The following NALCN variants were observed in gnomAD, a reference collection of about 807,000 sequenced individuals.
NALCN encodes the protein sodium leak channel, non-selective, also known as sodium leak channel NALCN.
In NALCN, 111 loss-of-function variants were observed where a neutral mutation model predicts 225.3. That is an observed-to-expected ratio of 0.49 (90% CI 0.42 to 0.58). The LOEUF is 0.58. Among genes scored for constraint, NALCN ranks in the 20% least tolerant of loss-of-function variants. NALCN has a pLI of 0.00. For synonymous variants in NALCN, 764 were observed against 769.0 expected (o/e 0.99, Z 0.11); for missense variants, 1,378 against 2,202.4 (o/e 0.63, Z 7.49).
At chr13:101,055,530 C>A in intron 43 of NALCN, 42 bp from the exon 44 acceptor site, 1 of 1,565,046 alleles carries the variant, frequency 6.4e-7, no homozygotes. Flanking sequence ...GGTATTGCTT[C>A]ACCCTATTGT....
At chr13:101,279,578 AG>A (rs2043078717) in intron 10 of NALCN, among the ~76,000 whole-genome samples, 4 of 152,002 alleles carry the variant, frequency 2.6e-5, no homozygotes, top group Admixed American at 2.6e-4. Context: ...GCACTTTGGG[AG>A]GCCGAGGCGG....
intron 37 of NALCN, among the ~76,000 whole-genome samples, chr13:101,069,488 G>T (rs1025630593): frequency 1.3e-5 from 2 of 152,212 alleles, no homozygotes; most frequent in Admixed American, 6.5e-5. Flanking sequence ...GTGGTGGAGG[G>T]TCTTGCCTCA....
chr13:101,212,767 C>G (rs2040573957), intron 13 of NALCN, among the ~76,000 whole-genome samples: 1 of 152,058 alleles, frequency 6.6e-6, no homozygotes, highest in Admixed American at 6.6e-5. Flanking sequence ...AAGGCAAACA[C>G]TGGGATGGCC....
chr13:101,081,119 A>G (rs376148027), intron 34 of NALCN, among the ~76,000 whole-genome samples: 1 of 152,228 alleles, frequency 6.6e-6, no homozygotes, highest in Non-Finnish European at 1.5e-5. Flanking sequence ...AACAAATGCT[A>G]TATTTCAGCT....
At chr13:101,158,457 G>A (rs2038011602) in intron 15 of NALCN, among the ~76,000 whole-genome samples, 1 of 152,238 alleles carries the variant, frequency 6.6e-6, no homozygotes, top group East Asian at 1.9e-4. Context: ...AGGTGGCAGA[G>A]AAGGAGAAAG....
rs557203916 is a variant in NALCN at position 101,339,963 on chromosome 13, G to A, written c.799+5303C>T. ...AGATATGAGTTAACATAGGCAAGAT[G>A]CAAGGTTAAGAACACCGTGCCCCGG... On this transcript the variant is annotated intron_variant, in intron 7 of 43. Transcript: ENST00000251127. Among the ~76,000 whole-genome samples, 25 of 152,294 alleles carry A rather than the reference G, an allele frequency of 1.6e-4. No homozygotes were observed. The South Asian group carries it at 5.0e-3, about 30-fold the overall frequency.
chr13:101,395,217 A>G lies in NALCN; in HGVS notation c.257T>C (p.Met86Thr), dbSNP rs999891200. The G allele has an allele frequency of 8.7e-6, 14 of 1,613,564 alleles. No homozygotes were observed. In the African/African-American group the frequency reaches 1.3e-4, roughly 15 times the overall value. Reference sequence around the variant, plus strand: ...GCCCCGGATGTGCATTTTTGCTATCATCTCTGCCGTGTAGAGAAACATCAA... The same window carrying G: ...GCCCCGGATGTGCATTTTTGCTATCGTCTCTGCCGTGTAGAGAAACATCAA... Reference protein sequence around the residue: ...TLLMFLYTAEMIAKMHIRGIV... With the variant: ...TLLMFLYTAETIAKMHIRGIV... Residue 86 changes from methionine (M) to threonine (T), a missense_variant, in exon 3 of 44, where the codon ATG becomes ACG. Met to Thr is a moderately conservative substitution (Grantham distance 81). This residue lies in a region of NALCN where 146 missense variants were observed against 205.9 expected (regional missense o/e 0.71). Coordinates refer to ENST00000251127, the MANE Select transcript of NALCN (RefSeq NM_052867.4).
At position 101,089,955 on chromosome 13, in the gene NALCN, C is replaced by T. The variant is rs2034136041; in HGVS notation, c.3281G>A (p.Arg1094Gln). 5.6e-6 allele frequency: 9 copies of T among 1,613,728 alleles called. No homozygotes were observed. Among genetic ancestry groups the T allele is most frequent in the Non-Finnish European group, 6.8e-6 (8 of 1,179,864 alleles). ...TCCCACATTGTCGAAATTAAAGTTC[C>T]GAGGATTCGCCCTGCGATTCCAATA... The part of the protein sequence containing the change: ...FWVPRVWANP[R>Q]NFNFDNVGNA... The change falls in exon 29 of 44, where the codon CGG becomes CAG. Residue 1094 changes from arginine to glutamine, a missense_variant. By Grantham distance (43) the Arg-to-Gln change is conservative. This residue lies in a region of NALCN where 292 missense variants were observed against 409.5 expected (regional missense o/e 0.71). Coordinates refer to ENST00000251127, the MANE Select transcript of NALCN (RefSeq NM_052867.4). The surrounding 1 kb of genome is among the most constrained non-coding windows in gnomAD (Gnocchi z 4.7).
intron 14 of NALCN, among the ~76,000 whole-genome samples, chr13:101,179,564 G>A (rs796701009): frequency 6.6e-6 from 1 of 151,946 alleles, no homozygotes; most frequent in South Asian, 2.1e-4. Flanking sequence ...TTCTTTTTAG[G>A]GTAGTTTAAG....
Position 101,107,686 on chromosome 13 carries a change from A to G in NALCN, c.2456+12T>C. 2 of 1,613,990 alleles carry G rather than the reference A, an allele frequency of 1.2e-6. No homozygotes were observed. Among genetic ancestry groups the G allele is most frequent in the Non-Finnish European group, 1.7e-6 (2 of 1,179,942 alleles). On this transcript the variant is annotated intron_variant, in intron 21 of 43. Coordinates refer to ENST00000251127, the MANE Select transcript of NALCN (RefSeq NM_052867.4). ...CCGAATGAGAGCCATGGGACACTGC[A>G]GCAACCTGTACCTTTTCATCTCTGC...
chr13:101,335,387 C>T (rs535413301), intron 7 of NALCN, among the ~76,000 whole-genome samples: 1 of 152,148 alleles, frequency 6.6e-6, no homozygotes, highest in African/African-American at 2.4e-5. Context: ...CTCAAGCACA[C>T]ATTTCATGTA....
Position 101,312,145 on chromosome 13 carries a change from C to A in NALCN, c.800-19779G>T, listed in dbSNP as rs191965742. On this transcript the variant is annotated intron_variant, in intron 7 of 43. Coordinates refer to ENST00000251127, the MANE Select transcript of NALCN (RefSeq NM_052867.4). ...TCTTCTAGATTTTCTAGTTTATTTGCGTAGAGGTGTTTGTAATATTCTCTG... is the reference window on the plus strand; with the variant it reads ...TCTTCTAGATTTTCTAGTTTATTTGAGTAGAGGTGTTTGTAATATTCTCTG... Among the ~76,000 whole-genome samples the A allele has an allele frequency of 6.9e-3, 1,052 of 152,226 alleles. 8 individuals carry two copies. The highest frequency in any genetic ancestry group is 0.011 in the Admixed American group (170 of 15,276).
At chr13:101,162,839 T>C (rs564681393) in intron 15 of NALCN, among the ~76,000 whole-genome samples, 7 of 152,376 alleles carry the variant, frequency 4.6e-5, no homozygotes, top group South Asian at 2.1e-4. Flanking sequence ...TGGTGTTCAG[T>C]TGGAGTTGAA....
intron 20 of NALCN, 87 bp downstream of exon 20, chr13:101,110,532 G>T: frequency 7.1e-7 from 1 of 1,399,282 alleles, no homozygotes; most frequent in Non-Finnish European, 1.0e-6. Context: ...GAATGCAGCA[G>T]AAAGACACTG....
At chr13:101,388,573 A>G (rs2047057347) in intron 3 of NALCN, among the ~76,000 whole-genome samples, 1 of 152,178 alleles carries the variant, frequency 6.6e-6, no homozygotes, top group South Asian at 2.1e-4. Context: ...TCAACTTCTA[A>G]CATTTACATT....
At chr13:101,083,256 G>T in intron 31 of NALCN, 58 bp from the exon 32 acceptor site, 1 of 1,394,932 alleles carries the variant, frequency 7.2e-7, no homozygotes, top group Non-Finnish European at 1.0e-6. Flanking sequence ...TTACTTTCTT[G>T]TCGTTTATTT....
intron 3 of NALCN, among the ~76,000 whole-genome samples, chr13:101,391,341 G>A (rs2047138625): frequency 1.3e-5 from 2 of 152,156 alleles, no homozygotes; most frequent in African/African-American, 2.4e-5. Context: ...AATTTCCTAA[G>A]AAAATATACT....
At chr13:101,075,583 T>G (rs1318056410) in intron 35 of NALCN, among the ~76,000 whole-genome samples, 1 of 151,942 alleles carries the variant, frequency 6.6e-6, no homozygotes, top group Non-Finnish European at 1.5e-5. Context: ...ATATTGGTTT[T>G]TGTTTTCATG....
chr13:101,354,279 G>C (rs917011787), intron 6 of NALCN, among the ~76,000 whole-genome samples: 3 of 152,170 alleles, frequency 2.0e-5, no homozygotes, highest in African/African-American at 4.8e-5. Context: ...GCGGGTAGAG[G>C]TTGCACTGAG....
Sources: allele counts gnomAD v4.1 joint callset (sites outside exome capture counted in the v4.1 genomes callset), GRCh38; gene constraint gnomAD v4.1.1; regional missense constraint gnomAD v4.1.1; non-coding constraint Gnocchi (gnomAD v3.1); transcripts MANE v1.5; gene names NCBI Gene and HGNC (gene_info 2026-07-23, HGNC 2026-07-21).